The following PLEKHA7 variants were observed in gnomAD, a reference collection of about 807,000 sequenced individuals.
PLEKHA7 encodes pleckstrin homology domain containing A7, also known as pleckstrin homology domain-containing family A member 7.
Under a neutral mutation model 170.0 loss-of-function variants are expected in PLEKHA7, and 104 were observed. The ratio of observed to expected loss-of-function variants is 0.61; its 90% CI spans 0.52 to 0.72. The LOEUF (loss-of-function observed/expected upper bound fraction) is 0.72, where lower values mean the gene tolerates loss of function less well. Ranked by LOEUF, PLEKHA7 falls within the 30% of genes least tolerant of loss-of-function variation. The pLI, the probability that PLEKHA7 is intolerant of heterozygous loss-of-function variation, is 0.00. For synonymous variants in PLEKHA7, 648 were observed against 660.8 expected (o/e 0.98, Z 0.30); for missense variants, 1,615 against 1,671.7 (o/e 0.97, Z 0.59).
At chr11:16,807,959 G>A (rs1333763893) in intron 13 of PLEKHA7, among the ~76,000 whole-genome samples, 1 of 152,138 alleles carries the variant, frequency 6.6e-6, no homozygotes, top group Non-Finnish European at 1.5e-5. Flanking sequence ...CCTAAAACAG[G>A]GGCTCTCAAA....
At chr11:17,013,946 C>CA (rs71047521) in intron 3 of PLEKHA7, 43 bp downstream of exon 3, 941,027 of 1,501,508 alleles carry the variant, frequency 0.63, 297,519 homozygotes, top group East Asian at 0.82. Flanking sequence ...AGGGACCCCC[C>CA]CCCCGCGGCA....
intron 3 of PLEKHA7, among the ~76,000 whole-genome samples, chr11:16,883,151 T>C (rs111991263): frequency 4.6e-5 from 7 of 152,106 alleles, no homozygotes; most frequent in East Asian, 1.9e-4. Flanking sequence ...AGTTGCTGTA[T>C]AGAACCTCCA....
chr11:17,014,206 G>C lies in PLEKHA7; in HGVS notation c.87-5C>G. 1 of 1,569,900 alleles carries C rather than the reference G, an allele frequency of 6.4e-7. No individual in the cohort carries two copies. The highest frequency in any genetic ancestry group is 8.6e-7 in the Non-Finnish European group (1 of 1,161,968). ...GTCGTGCAGCGGAGCTGGTCACTGC[G>C]GGCAGAGAGGTGCACCTGTTAGCGC... On this transcript the variant is annotated splice_polypyrimidine_tract_variant and splice_region_variant and intron_variant, in intron 1 of 26. Coordinates refer to ENST00000531066, the MANE Select transcript of PLEKHA7 (RefSeq NM_001329630.2).
chr11:16,874,470 C>T (rs1404784532), intron 3 of PLEKHA7, among the ~76,000 whole-genome samples: 1 of 152,162 alleles, frequency 6.6e-6, no homozygotes, highest in Non-Finnish European at 1.5e-5. Flanking sequence ...TGCACCACTG[C>T]ACTCCAACCT....
chr11:16,838,882 T>C (rs1210444272), intron 9 of PLEKHA7, among the ~76,000 whole-genome samples: 1 of 151,990 alleles, frequency 6.6e-6, no homozygotes, highest in African/African-American at 2.4e-5. Context: ...GAGATGGGGT[T>C]TCACCGTGTT....
chr11:16,894,069 C>G (rs1856846256), intron 3 of PLEKHA7, among the ~76,000 whole-genome samples: 1 of 152,132 alleles, frequency 6.6e-6, no homozygotes, highest in Admixed American at 6.5e-5. Context: ...AATGGAATAC[C>G]AGAGTCTAGG....
At chr11:16,811,145 C>G (rs1849344420) in intron 13 of PLEKHA7, among the ~76,000 whole-genome samples, 1 of 152,188 alleles carries the variant, frequency 6.6e-6, no homozygotes, top group Non-Finnish European at 1.5e-5. Context: ...TGAAATAAAA[C>G]AAACCTGAGG....
chr11:16,847,172 C>A (rs1852502430), intron 8 of PLEKHA7, among the ~76,000 whole-genome samples: 1 of 144,214 alleles, frequency 6.9e-6, no homozygotes, highest in South Asian at 2.3e-4. Context: ...TCTCAGCTCA[C>A]TGCAAGCTCC....
intron 3 of PLEKHA7, among the ~76,000 whole-genome samples, chr11:16,964,249 G>A (rs1039538701): frequency 8.5e-5 from 13 of 152,218 alleles, no homozygotes; most frequent in African/African-American, 3.1e-4. Flanking sequence ...TCACCTGTTG[G>A]CTACCATGAA....
intron 11 of PLEKHA7, 63 bp downstream of exon 11, chr11:16,816,737 C>A (rs1849784160): frequency 6.4e-7 from 1 of 1,565,868 alleles, no homozygotes; most frequent in Admixed American, 1.9e-5. Context: ...GTGTTCAAAC[C>A]AGGCAAAGCT....
At chr11:16,826,060 A>G (rs927946203) in intron 10 of PLEKHA7, 60 bp downstream of exon 10, 2 of 1,511,752 alleles carry the variant, frequency 1.3e-6, no homozygotes, top group African/African-American at 2.8e-5. Flanking sequence ...GCTAAATGAC[A>G]GCTCTTGCCA....
intron 4 of PLEKHA7, among the ~76,000 whole-genome samples, chr11:16,864,708 G>A (rs888155108): frequency 3.3e-5 from 5 of 152,204 alleles, no homozygotes; most frequent in Admixed American, 3.3e-4. Context: ...CATGTAAGAT[G>A]TGACTTTGCT....
intron 9 of PLEKHA7, among the ~76,000 whole-genome samples, chr11:16,838,852 A>G (rs939497884): frequency 3.3e-5 from 5 of 151,934 alleles, no homozygotes; most frequent in Non-Finnish European, 5.9e-5. Context: ...ACACTCTGCT[A>G]ATTTTTCATA....
intron 10 of PLEKHA7, among the ~76,000 whole-genome samples, chr11:16,823,979 T>C (rs1363122442): frequency 6.6e-6 from 1 of 152,166 alleles, no homozygotes; most frequent in Admixed American, 6.5e-5. Context: ...CTGGAGGACA[T>C]TATGTTAAGT....
chr11:16,979,903 G>A (rs932598166), intron 3 of PLEKHA7, among the ~76,000 whole-genome samples: 2 of 152,124 alleles, frequency 1.3e-5, no homozygotes, highest in Admixed American at 1.3e-4. Flanking sequence ...TCCACATCTT[G>A]TAAGGCTAAC....
chr11:16,903,623 T>C (rs1565095455), intron 3 of PLEKHA7, among the ~76,000 whole-genome samples: 2 of 152,218 alleles, frequency 1.3e-5, no homozygotes, highest in Admixed American at 6.5e-5. Flanking sequence ...ACTGTGCTTC[T>C]TGGCATATAA....
intron 23 of PLEKHA7, chr11:16,787,332 G>T: frequency 1.5e-6 from 1 of 662,510 alleles, no homozygotes; most frequent in Non-Finnish European, 1.9e-6. Context: ...GATTGTCTTT[G>T]ATGCCTCAAG....
intron 15 of PLEKHA7, among the ~76,000 whole-genome samples, chr11:16,802,131 A>C (rs1590165760): frequency 6.6e-6 from 1 of 152,238 alleles, no homozygotes; most frequent in Non-Finnish European, 1.5e-5. Context: ...AAAAACAAAA[A>C]ACAAAAACCT....
chr11:16,841,781 G>A (rs761287885), intron 8 of PLEKHA7, 59 bp from the exon 9 acceptor site: 5 of 1,547,976 alleles, frequency 3.2e-6, no homozygotes, highest in Non-Finnish European at 4.4e-6. Flanking sequence ...TCCTTTATAG[G>A]AGCAAAAGCA....
Sources: allele counts gnomAD v4.1 joint callset (sites outside exome capture counted in the v4.1 genomes callset), GRCh38; gene constraint gnomAD v4.1.1; transcripts MANE v1.5; gene names NCBI Gene and HGNC (gene_info 2026-07-23, HGNC 2026-07-21).